GALR1: variants seen among roughly 807,000 people sequenced by gnomAD.
GALR1 encodes the protein galanin receptor 1.
In GALR1, 11 loss-of-function variants were observed where a neutral mutation model predicts 17.9. The observed-to-expected ratio is 0.62, with a 90% CI of 0.39 to 1.02. GALR1 has a LOEUF of 1.02. GALR1 is among the 50% of genes least tolerant of loss of function. GALR1 has a pLI of 0.01. For missense variants in GALR1, 441 were observed against 456.9 expected (o/e 0.97, Z 0.32); for synonymous variants, 206 against 205.7 (o/e 1.00, Z -0.01).
In GALR1 at chr18:77,255,761, G is replaced by A. The variant is rs573110387; in HGVS notation, c.667-397G>A. On this transcript the variant is annotated intron_variant, in intron 1 of 2. Transcript: ENST00000299727. ...GCATCCAGGATCTAACTTTGTGCCTGACATGTAGCAGGGACCTGGTGTTTA... is the reference window on the plus strand; with the variant it reads ...GCATCCAGGATCTAACTTTGTGCCTAACATGTAGCAGGGACCTGGTGTTTA... Among the ~76,000 whole-genome samples the A allele has an allele frequency of 1.8e-3, 277 of 152,342 alleles. 2 individuals are homozygous for A. The highest frequency in any genetic ancestry group is 0.012 in the South Asian group (57 of 4,826).
At chr18:77,253,156 G>A (rs995545498) in intron 1 of GALR1, among the ~76,000 whole-genome samples, 1 of 152,046 alleles carries the variant, frequency 6.6e-6, no homozygotes, top group African/African-American at 2.4e-5. Flanking sequence ...CTAAACAAAG[G>A]CTATCTTACA....
rs766501938 is a variant in GALR1 at position 77,268,815 on chromosome 18, C to T, written c.963C>T (p.His321=). 7 of 1,613,854 alleles carry T rather than the reference C, an allele frequency of 4.3e-6. No individual in the cohort carries two copies. ...RKAYKQVFKC[H]IRKDSHLSDT... The stretch of plus-strand genomic sequence containing the variant: ...CCTATAAACAAGTGTTCAAGTGTCA[C>T]ATTCGCAAAGATTCACACCTGAGTG... Residue 321 remains histidine (H), a synonymous_variant, in exon 3 of 3, where the codon CAC becomes CAT. Transcript: ENST00000299727.
At chr18:77,265,365 T>G (rs1270526478) in intron 2 of GALR1, among the ~76,000 whole-genome samples, 1 of 152,218 alleles carries the variant, frequency 6.6e-6, no homozygotes, top group African/African-American at 2.4e-5. Context: ...TCCCATGGCC[T>G]TGGGTAGCTC....
Position 77,258,860 on chromosome 18 carries a change from GTGGTGATGGTGGTGA to G in GALR1, c.732+2640_732+2654del, listed in dbSNP as rs1423438296. 5.7e-5 allele frequency among the ~76,000 whole-genome samples: 8 copies of G among 140,934 alleles called. 1 individual carries two copies. Among genetic ancestry groups the G allele is most frequent in the African/African-American group, 1.7e-4 (6 of 34,788 alleles). 92.5% of individuals were successfully genotyped at this position (140,934 alleles called of 152,430 possible). A position where few individuals can be genotyped will look rare whatever the true frequency, so the allele number is the denominator to read the frequency against. On this transcript the variant is annotated intron_variant, in intron 2 of 2. Transcript: ENST00000299727. Reference sequence around the variant, plus strand: ...GGTGGTGATGGTGGTGGTGATGGTGGTGGTGATGGTGGTGATGATGGTGGTCATAGTGGTGATGGT... The same window carrying G: ...GGTGGTGATGGTGGTGGTGATGGTGGTGATGGTGGTCATAGTGGTGATGGT...
rs1252635221 is a variant in GALR1 at position 77,252,896 on chromosome 18, TCACCACCAC to T, written c.666+1700_666+1708del. Among the ~76,000 whole-genome samples, 305 of 78,190 alleles carry T rather than the reference TCACCACCAC, an allele frequency of 3.9e-3. 2 individuals are homozygous for T. The highest frequency in any genetic ancestry group is 6.3e-3 in the Middle Eastern group (1 of 158). The allele number at this position is 78,190 out of a possible 152,430, so 51.3% of individuals were successfully genotyped here. On this transcript the variant is annotated intron_variant, in intron 1 of 2. Transcript: ENST00000299727. ...ACCACCACCATCACCACCACCACCA[TCACCACCAC>T]CACCACCACCACCACCATCACCACC... is the stretch of plus-strand genomic sequence containing the variant.
intron 1 of GALR1, among the ~76,000 whole-genome samples, chr18:77,253,000 A>AT (rs1912500019): frequency 7.2e-6 from 1 of 138,268 alleles, no homozygotes; most frequent in Non-Finnish European, 1.6e-5. Context: ...CACCACCACC[A>AT]CCACCACCAC....
chr18:77,250,264 C>A lies in GALR1; in HGVS notation c.-285C>A, dbSNP rs1284544374. Among the ~76,000 whole-genome samples, 2 of 152,188 alleles carry A rather than the reference C, an allele frequency of 1.3e-5. No homozygotes were observed. Among genetic ancestry groups the A allele is most frequent in the Non-Finnish European group, 2.9e-5 (2 of 68,024 alleles). Reference sequence around the variant, plus strand: ...TGGTCGCGCAGCGGGCGGAGGCGCCCGGGAAGGGGACCCCAGTGCTCTCGA... The same window carrying A: ...TGGTCGCGCAGCGGGCGGAGGCGCCAGGGAAGGGGACCCCAGTGCTCTCGA... On this transcript the variant is annotated 5_prime_UTR_variant, in exon 1 of 3. Transcript: ENST00000299727.
At chr18:77,255,238 A>G (rs1016565001) in intron 1 of GALR1, among the ~76,000 whole-genome samples, 1 of 152,218 alleles carries the variant, frequency 6.6e-6, no homozygotes, top group African/African-American at 2.4e-5. Context: ...CTTAAGTGAC[A>G]GTTCTGCAGG....
rs1912370872 is a variant in GALR1, at chr18:77,250,430, A to G, written c.-119A>G. On this transcript the variant is annotated 5_prime_UTR_variant, in exon 1 of 3. Transcript: ENST00000299727. ...CTGGCTCGCGCCTCGGGGGAAGCTC[A>G]GACTCCTAAACTCGCACTCTCCGTG... The G allele has an allele frequency of 7.3e-6, 8 of 1,090,698 alleles. No individual in the cohort carries two copies. The highest frequency in any genetic ancestry group is 9.8e-6 in the Non-Finnish European group (8 of 816,238). The allele number at this position is 1,090,698 out of a possible 1,614,324, so 67.6% of individuals were successfully genotyped here. A position where few individuals can be genotyped will look rare whatever the true frequency, so the allele number is the denominator to read the frequency against.
chr18:77,256,249 A>G, intron 2 of GALR1, 26 bp downstream of exon 2: 1 of 1,226,048 alleles, frequency 8.2e-7, no homozygotes, highest in Non-Finnish European at 1.2e-6. Context: ...ATATATATAT[A>G]TGTTACTTTT....
intron 1 of GALR1, among the ~76,000 whole-genome samples, chr18:77,254,633 C>T (rs933976534): frequency 1.3e-5 from 2 of 152,206 alleles, no homozygotes; most frequent in African/African-American, 4.8e-5. Context: ...TCTAGGCAGT[C>T]CTGTCCTCTT....
rs1913058509 is a variant in GALR1, at chr18:77,271,254, C to CCA, written c.*2353_*2354insAC. ...AATAGCTTGCGCTTGAAACCCCCCC[C>CCA]CCCCCGCCACTTTGCTAAATGTAAA... On this transcript the variant is annotated 3_prime_UTR_variant, in exon 3 of 3. Coordinates refer to ENST00000299727, the MANE Select transcript of GALR1 (RefSeq NM_001480.4). 1 of 126,360 alleles carries CCA rather than the reference C, an allele frequency of 7.9e-6. No individual in the cohort carries two copies. Among genetic ancestry groups the CCA allele is most frequent in the Non-Finnish European group, 1.8e-5 (1 of 55,996 alleles). The allele number at this position is 126,360 out of a possible 1,614,324, so 7.8% of individuals were successfully genotyped here. A position where few individuals can be genotyped will look rare whatever the true frequency, so the allele number is the denominator to read the frequency against.
At position 77,276,221 on chromosome 18, in the gene GALR1, T is replaced by C. The variant is rs914992679; in HGVS notation, c.*7319T>C. 3.3e-5 allele frequency: 5 copies of C among 152,234 alleles called. No individual in the cohort carries two copies. Among genetic ancestry groups the C allele is most frequent in the African/African-American group, 9.6e-5 (4 of 41,462 alleles). The allele number at this position is 152,234 out of a possible 1,614,324, so 9.4% of individuals were successfully genotyped here. ...ACAAATCTTTTAATCTCTTCAGTTC[T>C]ATCTGCCTAAGTGAGGAGAGTAGTT... On this transcript the variant is annotated 3_prime_UTR_variant, in exon 3 of 3. Coordinates refer to ENST00000299727, the MANE Select transcript of GALR1 (RefSeq NM_001480.4).
chr18:77,250,830 C>A lies in GALR1; in HGVS notation c.282C>A (p.Thr94=). 1 of 1,613,676 alleles carries A rather than the reference C, an allele frequency of 6.2e-7. No homozygotes were observed. The highest frequency in any genetic ancestry group is 8.5e-7 in the Non-Finnish European group (1 of 1,180,012). Residue 94 remains threonine, a synonymous_variant, in exon 1 of 3, where the codon ACC becomes ACA. Coordinates refer to ENST00000299727, the MANE Select transcript of GALR1 (RefSeq NM_001480.4). ...YLLFCIPFQA[T]VYALPTWVLG... The stretch of plus-strand genomic sequence containing the variant: ...TCTTCTGCATCCCCTTCCAGGCCAC[C>A]GTGTACGCGCTGCCCACCTGGGTGC...
In GALR1 at chr18:77,272,259, C is replaced by T. The variant is rs1300595895; in HGVS notation, c.*3357C>T. The T allele has an allele frequency of 3.3e-5, 5 of 152,198 alleles. No homozygotes were observed. The highest frequency in any genetic ancestry group is 7.2e-5 in the African/African-American group (3 of 41,436). The allele number at this position is 152,198 out of a possible 1,614,324, so 9.4% of individuals were successfully genotyped here. A position where few individuals can be genotyped will look rare whatever the true frequency, so the allele number is the denominator to read the frequency against. On this transcript the variant is annotated 3_prime_UTR_variant, in exon 3 of 3. Transcript: ENST00000299727. The stretch of plus-strand genomic sequence containing the variant: ...GCTCAGAACTTCTTGTGGCTCAACT[C>T]GAAATCATATTGCATTCCTGCATTC...
At chr18:77,254,792 A>T (rs1474668870) in intron 1 of GALR1, among the ~76,000 whole-genome samples, 1 of 152,188 alleles carries the variant, frequency 6.6e-6, no homozygotes, top group Non-Finnish European at 1.5e-5. Context: ...ACACCTTGTC[A>T]ATGTATTGAG....
At chr18:77,256,305 T>A in intron 2 of GALR1, 82 bp downstream of exon 2, 1 of 784,652 alleles carries the variant, frequency 1.3e-6, no homozygotes, top group Admixed American at 2.1e-5. Flanking sequence ...CTCACGTCCA[T>A]CCAAAGCCTG....
intron 1 of GALR1, among the ~76,000 whole-genome samples, chr18:77,252,152 G>A (rs1310590123): frequency 6.6e-6 from 1 of 151,844 alleles, no homozygotes; most frequent in Non-Finnish European, 1.5e-5. Flanking sequence ...TTCTCATTAA[G>A]TCCACAAGGG....
chr18:77,274,679 CTCT>C lies in GALR1; in HGVS notation c.*5784_*5786del, dbSNP rs1350844410. 2 of 152,190 alleles carry C rather than the reference CTCT, an allele frequency of 1.3e-5. No individual in the cohort carries two copies. Among genetic ancestry groups the C allele is most frequent in the Admixed American group, 6.5e-5 (1 of 15,280 alleles). The allele number at this position is 152,190 out of a possible 1,614,324, so 9.4% of individuals were successfully genotyped here. On this transcript the variant is annotated 3_prime_UTR_variant, in exon 3 of 3. Coordinates refer to ENST00000299727, the MANE Select transcript of GALR1 (RefSeq NM_001480.4). Reference sequence around the variant, plus strand: ...GATGGCAGAAGCAGGCTCCCAGCTCCTCTTCTTCTGCTCAGCCAGGTGATTCTT... The same window carrying C: ...GATGGCAGAAGCAGGCTCCCAGCTCCTCTTCTGCTCAGCCAGGTGATTCTT...
Sources: gnomAD v4.1 joint callset for allele counts (sites outside exome capture counted in the v4.1 genomes callset) on GRCh38, gnomAD v4.1.1 for gene constraint, MANE v1.5 for transcripts, NCBI Gene and HGNC (gene_info 2026-07-23, HGNC 2026-07-21) for gene names.